Variants in TMEM177 observed in about 807,000 individuals in gnomAD.
The protein encoded by TMEM177 is transmembrane protein 177.
In TMEM177, 4 loss-of-function variants were observed where a neutral mutation model predicts 14.2. The observed-to-expected ratio is 0.28, with a 90% CI of 0.14 to 0.64. The LOEUF is 0.64. Ranked by LOEUF, TMEM177 falls within the 30% of genes least tolerant of loss-of-function variation. The pLI is 0.82. For synonymous variants in TMEM177, 179 were observed against 174.5 expected, an observed-to-expected ratio of 1.03 and a Z score of -0.20; for missense variants, 344 against 405.2, an observed-to-expected ratio of 0.85 and a Z score of 1.30.
chr2:119,717,355 AAAG>A, the TMEM177 span, among the ~76,000 whole-genome samples: 2 of 152,000 alleles, frequency 1.3e-5, no homozygotes, highest in Non-Finnish European at 2.9e-5. Flanking sequence ...AAAAGAAAAA[AAAG>A]AAAAGGAAAG....
At chr2:119,710,924 T>C in the TMEM177 span, among the ~76,000 whole-genome samples, 4 of 152,256 alleles carry the variant, frequency 2.6e-5, no homozygotes, top group African/African-American at 9.6e-5. Context: ...ACCTGCCATC[T>C]TGAGAACAGC....
the TMEM177 span, among the ~76,000 whole-genome samples, chr2:119,714,602 T>A: frequency 6.6e-6 from 1 of 152,190 alleles, no homozygotes; most frequent in African/African-American, 2.4e-5. Flanking sequence ...AAATGACCAC[T>A]CCTTCGATCT....
intron 1 of TMEM177, among the ~76,000 whole-genome samples, chr2:119,680,157 A>G (rs1051694343): frequency 2.6e-5 from 4 of 152,122 alleles, no homozygotes; most frequent in Non-Finnish European, 4.4e-5. Flanking sequence ...TTTTATCTTA[A>G]TTATCTCCTT....
the TMEM177 span, among the ~76,000 whole-genome samples, chr2:119,716,731 G>T: frequency 6.6e-6 from 1 of 152,192 alleles, no homozygotes; most frequent in Non-Finnish European, 1.5e-5. Flanking sequence ...AAGCAGAAGA[G>T]GGAAATGCAA....
At chr2:119,689,904 G>A (rs933019227), downstream of TMEM177, among the ~76,000 whole-genome samples, 3 of 152,212 alleles carry the variant, frequency 2.0e-5, no homozygotes, top group South Asian at 6.2e-4. Context: ...GGACTGGCTT[G>A]TAAGAAGTCC....
the TMEM177 span, among the ~76,000 whole-genome samples, chr2:119,692,556 C>G: frequency 6.6e-5 from 10 of 152,248 alleles, no homozygotes; most frequent in Admixed American, 6.5e-4. Context: ...GGTGAAGCTT[C>G]CCTTTGGCCT....
downstream of TMEM177, among the ~76,000 whole-genome samples, chr2:119,683,828 A>C (rs573760837): frequency 5.8e-4 from 88 of 152,156 alleles, no homozygotes; most frequent in African/African-American, 2.0e-3. Context: ...CCAGTCCTCC[A>C]CAGCCCGGCT....
chr2:119,723,288 G>A, the TMEM177 span, among the ~76,000 whole-genome samples: 3 of 152,182 alleles, frequency 2.0e-5, no homozygotes, highest in Non-Finnish European at 4.4e-5. Flanking sequence ...TTTGTTCCAG[G>A]TGGGTGGGGG....
the TMEM177 span, among the ~76,000 whole-genome samples, chr2:119,706,819 T>C: frequency 0.55 from 83,424 of 152,036 alleles, 23,291 homozygotes; most frequent in East Asian, 0.7. Flanking sequence ...ACAAGGTTGC[T>C]GCTGCATCAC....
the TMEM177 span, among the ~76,000 whole-genome samples, chr2:119,695,202 C>CG: frequency 1.3e-5 from 2 of 152,160 alleles, no homozygotes; most frequent in Non-Finnish European, 2.9e-5. Context: ...GTGACAGCCC[C>CG]GGAATGTGGA....
At chr2:119,692,105 C>T in the TMEM177 span, among the ~76,000 whole-genome samples, 1 of 152,226 alleles carries the variant, frequency 6.6e-6, no homozygotes, top group African/African-American at 2.4e-5. Flanking sequence ...CCTTCACTTC[C>T]TCTACCTCCT....
At chr2:119,696,325 A>G in the TMEM177 span, among the ~76,000 whole-genome samples, 441 of 152,246 alleles carry the variant, frequency 2.9e-3, 2 homozygotes, top group African/African-American at 0.01. Flanking sequence ...GTAGGACTAG[A>G]CCTGGGGAGA....
rs1298239220 is a variant in TMEM177, at chr2:119,681,358, C to T, written c.505C>T (p.His169Tyr). The change falls in exon 2 of 2, where the codon CAC (histidine) becomes TAC (tyrosine). Residue 169 changes from histidine (H) to tyrosine (Y), a missense_variant. Coordinates refer to ENST00000272521, the MANE Select transcript of TMEM177 (RefSeq NM_030577.3). ...CCTGGAAAGCAGTACCACTGCCGTG[C>T]ACGCCCTGCTGGCCCCAGCTTGCCT... ...VYLESSTTAV[H>Y]ALLAPACLAG... The T allele has an allele frequency of 6.2e-7, 1 of 1,614,054 alleles. No individual in the cohort carries two copies. The highest frequency in any genetic ancestry group is 8.5e-7 in the Non-Finnish European group (1 of 1,179,920).
the TMEM177 span, among the ~76,000 whole-genome samples, chr2:119,712,790 C>T: frequency 6.6e-6 from 1 of 152,212 alleles, no homozygotes; most frequent in African/African-American, 2.4e-5. Context: ...AATGTTCCTT[C>T]CTGCAGCCTG....
chr2:119,685,615 A>G (rs566803254), downstream of TMEM177: 20 of 716,356 alleles, frequency 2.8e-5, no homozygotes, highest in Admixed American at 4.0e-5. Flanking sequence ...TTTATTCCCA[A>G]TTGGGGCATG....
chr2:119,719,110 A>C, the TMEM177 span, among the ~76,000 whole-genome samples: 1 of 152,126 alleles, frequency 6.6e-6, no homozygotes, highest in African/African-American at 2.4e-5. Context: ...CCCACAGCTT[A>C]ATGGTCAACA....
the TMEM177 span, among the ~76,000 whole-genome samples, chr2:119,716,067 G>C: frequency 1.3e-5 from 2 of 152,134 alleles, no homozygotes; most frequent in African/African-American, 4.8e-5. Flanking sequence ...CTTGCATTCC[G>C]GTGGGGAGTT....
chr2:119,713,657 T>C, the TMEM177 span, among the ~76,000 whole-genome samples: 1 of 152,056 alleles, frequency 6.6e-6, no homozygotes, highest in Non-Finnish European at 1.5e-5. Flanking sequence ...CTGGGCAGCA[T>C]TGAGAGACCC....
At chr2:119,701,560 G>C in the TMEM177 span, among the ~76,000 whole-genome samples, 1 of 152,142 alleles carries the variant, frequency 6.6e-6, no homozygotes, top group Non-Finnish European at 1.5e-5. Context: ...CAGAAAGTCC[G>C]GTGTCCCAGC....
Sources: allele counts gnomAD v4.1 joint callset (sites outside exome capture counted in the v4.1 genomes callset), GRCh38; gene constraint gnomAD v4.1.1; transcripts MANE v1.5; gene names NCBI Gene and HGNC (gene_info 2026-07-23, HGNC 2026-07-21).